Variants in ADGRV1 observed in about 807,000 individuals in gnomAD.
The protein encoded by ADGRV1 is G-protein coupled receptor 98.
A neutral mutation model predicts 596.2 loss-of-function variants in ADGRV1; 359 were observed. The ratio of observed to expected loss-of-function variants is 0.60; its 90% CI spans 0.55 to 0.66. The LOEUF (loss-of-function observed/expected upper bound fraction) is 0.66. Ranked by LOEUF, ADGRV1 falls within the 30% of genes least tolerant of loss-of-function variation. ADGRV1 has a pLI of 0.00. For missense variants in ADGRV1, 7,274 were observed against 7,575.6 expected (o/e 0.96, Z 1.48); for synonymous variants, 2,681 against 2,679.2 (o/e 1.00, Z -0.02).
At chr5:91,114,399 C>T (rs982641853) in intron 87 of ADGRV1, among the ~76,000 whole-genome samples, 5 of 150,188 alleles carry the variant, frequency 3.3e-5, no homozygotes, top group Admixed American at 6.6e-5. Context: ...TGGTGGCACA[C>T]GCCTGTAATT....
At chr5:91,160,774 A>G (rs1582266783) in intron 89 of ADGRV1, among the ~76,000 whole-genome samples, 1 of 152,172 alleles carries the variant, frequency 6.6e-6, no homozygotes, top group East Asian at 1.9e-4. Context: ...TCGGCATGTT[A>G]TACTTGTGTG....
intron 84 of ADGRV1, among the ~76,000 whole-genome samples, chr5:90,967,180 C>T (rs920510154): frequency 2.6e-5 from 4 of 152,028 alleles, no homozygotes; most frequent in Non-Finnish European, 5.9e-5. Context: ...CAAGTGGCAC[C>T]CTGGATCTGG....
In ADGRV1 at chr5:90,745,115, C is replaced by T. The variant is rs1754463863; in HGVS notation, c.10619C>T (p.Ser3540Phe). Residue 3540 changes from serine to phenylalanine, a missense_variant, in exon 51 of 90, where the codon TCT becomes TTT. By Grantham distance (155) the Ser-to-Phe change is radical. Coordinates refer to ENST00000405460, the MANE Select transcript of ADGRV1 (RefSeq NM_032119.4). ...YCWNSERNQF[S>F]FVLEVPSAYD... ...TGGAATTCGGAGCGTAATCAATTCT[C>T]TTTTGTTCTGGAAGTACCTTCTGCT... 1 of 1,613,768 alleles carries T rather than the reference C, an allele frequency of 6.2e-7. No individual in the cohort carries two copies. Among genetic ancestry groups the T allele is most frequent in the Non-Finnish European group, 8.5e-7 (1 of 1,179,778 alleles).
rs538545547 is a variant in ADGRV1, at chr5:90,974,773, T to A, written c.17973+9242T>A. On this transcript the variant is annotated intron_variant, in intron 84 of 89. Coordinates refer to ENST00000405460, the MANE Select transcript of ADGRV1 (RefSeq NM_032119.4). ...TAGAAGAAAACCTAGGCAATACCAT[T>A]CAGGACATAAGTATGGGCAAGGACT... is the stretch of plus-strand genomic sequence containing the variant. Among the ~76,000 whole-genome samples the A allele has an allele frequency of 3.9e-5, 6 of 152,224 alleles. 1 individual carries two copies. In the East Asian group the frequency reaches 9.7e-4, roughly 24 times the overall value.
intron 21 of ADGRV1, among the ~76,000 whole-genome samples, chr5:90,662,161 T>C (rs1047218777): frequency 6.6e-6 from 1 of 151,910 alleles, no homozygotes. Flanking sequence ...TTTGGCAATA[T>C]TGTTTAATCA....
In ADGRV1 at chr5:90,805,345, T is replaced by C; in HGVS notation, c.14723T>C (p.Met4908Thr). The C allele has an allele frequency of 6.2e-7, 1 of 1,613,100 alleles. No individual in the cohort carries two copies. Among genetic ancestry groups the C allele is most frequent in the Non-Finnish European group, 8.5e-7 (1 of 1,179,218 alleles). The change falls in exon 72 of 90, where the codon ATG (methionine) becomes ACG (threonine). Residue 4908 changes from methionine to threonine, a missense_variant. Coordinates refer to ENST00000405460, the MANE Select transcript of ADGRV1 (RefSeq NM_032119.4). ...MNITAGTSHV[M>T]ISRRGTYGAL... ...ATCACTGCTGGCACAAGCCACGTTA[T>C]GATTTCTAGGAGAGGCACATATGGA...
Position 90,948,365 on chromosome 5 carries a change from C to T in ADGRV1, c.17857-17050C>T, listed in dbSNP as rs193158540. ...AGGTTATCTTGGCCTTAGGTGACCA[C>T]GGAACCTAAGTTAAAGAACATTGAA... On this transcript the variant is annotated intron_variant, in intron 83 of 89. Transcript: ENST00000405460. Among the ~76,000 whole-genome samples, 90 of 152,072 alleles carry T rather than the reference C, an allele frequency of 5.9e-4. 1 individual carries two copies. The Middle Eastern group carries it at 0.01, about 17-fold the overall frequency.
intron 83 of ADGRV1, among the ~76,000 whole-genome samples, chr5:90,888,207 TA>T (rs1161779193): frequency 3.3e-5 from 5 of 152,186 alleles, no homozygotes; most frequent in African/African-American, 1.2e-4. Flanking sequence ...AGAGTAGCAT[TA>T]AATAATGTTT....
At chr5:91,103,808 A>G (rs2126654792) in intron 87 of ADGRV1, among the ~76,000 whole-genome samples, 1 of 152,284 alleles carries the variant, frequency 6.6e-6, no homozygotes, top group Admixed American at 6.5e-5. Context: ...ATTAAATAAT[A>G]AATGAGTGTA....
In ADGRV1 at chr5:91,014,175, C is replaced by CACACACACACACACACA. The variant is rs56200811; in HGVS notation, c.18152+28653_18152+28654insACACACACACACACACA. On this transcript the variant is annotated intron_variant, in intron 85 of 89. Coordinates refer to ENST00000405460, the MANE Select transcript of ADGRV1 (RefSeq NM_032119.4). ...ACACACACACACACACACACACACA[C>CACACACACACACACACA]CCCTAGACATACAGCTAACCAGGGA... Among the ~76,000 whole-genome samples, 108 of 143,454 alleles carry CACACACACACACACACA rather than the reference C, an allele frequency of 7.5e-4. 1 individual carries two copies. The highest frequency in any genetic ancestry group is 3.5e-3 in the Middle Eastern group (1 of 284). The allele number at this position is 143,454 out of a possible 152,430, so 94.1% of individuals were successfully genotyped here.
Position 90,783,969 on chromosome 5 carries a change from A to C in ADGRV1, c.13565A>C (p.Gln4522Pro). The C allele has an allele frequency of 6.2e-7, 1 of 1,612,544 alleles. No homozygotes were observed. The highest frequency in any genetic ancestry group is 8.5e-7 in the Non-Finnish European group (1 of 1,179,292). ...TTTGGAGTTATAAGGTTTCTCAATCAAAGCAAAATTTCTATTGCTAATCCC... is the reference window on the plus strand; with the variant it reads ...TTTGGAGTTATAAGGTTTCTCAATCCAAGCAAAATTTCTATTGCTAATCCC... The part of the protein sequence containing the change: ...SPFGVIRFLN[Q>P]SKISIANPNS... Residue 4522 changes from glutamine (Q) to proline (P), a missense_variant, in exon 67 of 90, where the codon CAA (glutamine) becomes CCA (proline). This residue lies in a region of ADGRV1 where 3,643 missense variants were observed against 3,809.2 expected (regional missense o/e 0.96). Transcript: ENST00000405460.
chr5:91,037,815 C>G (rs1785032221), intron 85 of ADGRV1, among the ~76,000 whole-genome samples: 1 of 152,164 alleles, frequency 6.6e-6, no homozygotes, highest in African/African-American at 2.4e-5. Context: ...TCCTAAAACC[C>G]AAATACTACA....
At chr5:90,652,223 A>C (rs912004277) in intron 18 of ADGRV1, 123 bp from the exon 19 acceptor site, 4 of 584,736 alleles carry the variant, frequency 6.8e-6, no homozygotes, top group African/African-American at 1.9e-5. Flanking sequence ...TTTGCCTCGT[A>C]GAACCAGCTG....
At chr5:91,031,245 T>G in intron 85 of ADGRV1, 1 of 1,590,378 alleles carries the variant, frequency 6.3e-7, no homozygotes, top group Non-Finnish European at 8.6e-7. Context: ...GCTCCTCAGG[T>G]TGCTGTTGAA....
chr5:91,107,192 A>AG (rs143265210), intron 87 of ADGRV1, among the ~76,000 whole-genome samples: 19,056 of 152,122 alleles, frequency 0.13, 1,336 homozygotes, highest in African/African-American at 0.2. Flanking sequence ...CTACAGTTTG[A>AG]GAAAAAAAAG....
intron 89 of ADGRV1, among the ~76,000 whole-genome samples, chr5:91,157,619 A>AT (rs554485012): frequency 6.6e-6 from 1 of 151,894 alleles, no homozygotes; most frequent in Non-Finnish European, 1.5e-5. Context: ...TTAGAACTTA[A>AT]TTTTTTTCTG....
chr5:90,635,487 A>G (rs1295258947), intron 10 of ADGRV1, among the ~76,000 whole-genome samples, 197 bp downstream of exon 10: 1 of 152,214 alleles, frequency 6.6e-6, no homozygotes, highest in Non-Finnish European at 1.5e-5. Flanking sequence ...TATTAGATAG[A>G]ATGAAATTGG....
At chr5:90,650,206 A>C (rs563751365) in intron 17 of ADGRV1, among the ~76,000 whole-genome samples, 2 of 152,220 alleles carry the variant, frequency 1.3e-5, no homozygotes, top group Non-Finnish European at 2.9e-5. Context: ...TTTAGAGCAT[A>C]TGCTCTGATA....
At chr5:91,091,324 G>C (rs1258783435) in intron 86 of ADGRV1, among the ~76,000 whole-genome samples, 4 of 152,168 alleles carry the variant, frequency 2.6e-5, no homozygotes, top group Admixed American at 2.0e-4. Flanking sequence ...ATTTCTCTGT[G>C]CACCTTCCCT....
Sources: allele counts gnomAD v4.1 joint callset (sites outside exome capture counted in the v4.1 genomes callset), GRCh38; gene constraint gnomAD v4.1.1; regional missense constraint gnomAD v4.1.1; transcripts MANE v1.5; gene names NCBI Gene and HGNC (gene_info 2026-07-23, HGNC 2026-07-21).